Variants in MYO7A observed in about 807,000 individuals in gnomAD.
The protein encoded by MYO7A is unconventional myosin-VIIa.
A neutral mutation model predicts 263.8 loss-of-function variants in MYO7A; 210 were observed. The observed-to-expected ratio is 0.80, with a 90% CI of 0.71 to 0.89. The LOEUF is 0.89. Ranked by LOEUF, MYO7A falls within the 40% of genes least tolerant of loss-of-function variation. The pLI is 0.00. For missense variants in MYO7A, 2,820 were observed against 2,968.3 expected (o/e 0.95, Z 1.16); for synonymous variants, 1,239 against 1,197.3 (o/e 1.03, Z -0.72).
At chr11:77,171,172 CGT>C (rs1173147861) in intron 15 of MYO7A, among the ~76,000 whole-genome samples, 7 of 152,178 alleles carry the variant, frequency 4.6e-5, no homozygotes, top group African/African-American at 1.7e-4. Flanking sequence ...TGTGCGTGCG[CGT>C]GTGTGTACAC....
At chr11:77,166,005 G>T in intron 14 of MYO7A, 51 bp from the exon 15 acceptor site, 3 of 1,379,054 alleles carry the variant, frequency 2.2e-6, no homozygotes, top group East Asian at 2.3e-5. Flanking sequence ...TATGGGTTTG[G>T]GGAGGGCCTG....
At chr11:77,181,340 G>A (rs1399421299) in intron 22 of MYO7A, 40 bp from the exon 23 acceptor site, 2 of 1,520,588 alleles carry the variant, frequency 1.3e-6, no homozygotes, top group Non-Finnish European at 1.8e-6. Context: ...GTGGCACCGG[G>A]GGCTGACCCC....
intron 7 of MYO7A, 90 bp from the exon 8 acceptor site, chr11:77,157,189 T>G (rs782475291): frequency 2.3e-5 from 32 of 1,367,076 alleles, no homozygotes; most frequent in Non-Finnish European, 3.3e-5. Context: ...AGCCATTTGT[T>G]AAAATAGTAA....
rs1299898646 is a variant in MYO7A, at chr11:77,205,610, GC to G, written c.5632del (p.Leu1878Ter). The G allele has an allele frequency of 5.6e-6, 9 of 1,613,352 alleles. No individual in the cohort carries two copies. In the Admixed American group the frequency reaches 1.5e-4, roughly 27 times the overall value. ...AIDCLQRLQK[A>X]LRNGSRKYPP... ...CGACTGCCTGCAACGGCTCCAGAAA[GC>G]CCTGAGGTACAGCGGCCACCAGGGG... On this transcript the variant is annotated frameshift_variant, in exon 40 of 49. Coordinates refer to ENST00000409709, the MANE Select transcript of MYO7A (RefSeq NM_000260.4). LOFTEE classifies it high-confidence loss of function.
intron 18 of MYO7A, among the ~76,000 whole-genome samples, chr11:77,176,792 C>T (rs1555080317): frequency 1.3e-5 from 2 of 152,196 alleles, no homozygotes; most frequent in African/African-American, 4.8e-5. Context: ...CTACCCTCCC[C>T]AAGGGCAGGG....
At chr11:77,137,454 AAAGAG>A (rs1950947644) in intron 2 of MYO7A, among the ~76,000 whole-genome samples, 1 of 152,314 alleles carries the variant, frequency 6.6e-6, no homozygotes, top group Non-Finnish European at 1.5e-5. Flanking sequence ...GAGGCCTTGA[AAAGAG>A]AAGAGGAAGA....
rs567785955 is a variant in MYO7A, at chr11:77,207,871, G to A, written c.5856+469G>A. 3.3e-5 allele frequency among the ~76,000 whole-genome samples: 5 copies of A among 152,302 alleles called. No individual in the cohort carries two copies. In the South Asian group the frequency reaches 1.0e-3, roughly 32 times the overall value. ...GTCTGGCTCTAAAGCCCACGCCCCT[G>A]CCACCATTTCACATCACGCTCCCCC... On this transcript the variant is annotated intron_variant, in intron 42 of 48. Transcript: ENST00000409709.
In MYO7A at chr11:77,138,515, G is replaced by C. The variant is rs1031567799; in HGVS notation, c.19-4194G>C. Among the ~76,000 whole-genome samples the C allele has an allele frequency of 2.0e-5, 3 of 152,338 alleles. No individual in the cohort carries two copies. Among genetic ancestry groups the C allele is most frequent in the African/African-American group, 7.2e-5 (3 of 41,574 alleles). ...TAGAAGCTGGGCGGGCCACAAACAG[G>C]GTCGCTAGGCTTCAGGGTGTGCATG... is the stretch of plus-strand genomic sequence containing the variant. On this transcript the variant is annotated intron_variant, in intron 2 of 48. Coordinates refer to ENST00000409709, the MANE Select transcript of MYO7A (RefSeq NM_000260.4). The surrounding 1 kb of genome is among the most constrained non-coding windows in gnomAD (Gnocchi z 4.9).
At chr11:77,205,027 G>A (rs549918593) in intron 39 of MYO7A, among the ~76,000 whole-genome samples, 11 of 152,278 alleles carry the variant, frequency 7.2e-5, no homozygotes, top group Non-Finnish European at 1.5e-4. Flanking sequence ...GCCTGGGGTG[G>A]GACTGGTCTA....
At chr11:77,167,318 C>T (rs1398761086) in intron 15 of MYO7A, among the ~76,000 whole-genome samples, 1 of 152,114 alleles carries the variant, frequency 6.6e-6, no homozygotes, top group Non-Finnish European at 1.5e-5. Flanking sequence ...AGGCGTCAAT[C>T]CCCGGTCCTT....
At chr11:77,153,117 G>T (rs1486705125) in intron 4 of MYO7A, among the ~76,000 whole-genome samples, 1 of 152,126 alleles carries the variant, frequency 6.6e-6, no homozygotes, top group Non-Finnish European at 1.5e-5. Context: ...GCATGGCTCC[G>T]AGTGGAGGAT....
At position 77,201,547 on chromosome 11, in the gene MYO7A, G is replaced by A. The variant is rs1250180974; in HGVS notation, c.4952G>A (p.Gly1651Asp). 2 of 1,613,820 alleles carry A rather than the reference G, an allele frequency of 1.2e-6. No individual in the cohort carries two copies. The highest frequency in any genetic ancestry group is 1.7e-5 in the Admixed American group (1 of 60,010). ...GTCATGAACTCGGGCTGGGCCAACG[G>A]CATCAATGAGAGGACCAAGCAGCGT... is the stretch of plus-strand genomic sequence containing the variant. ...EQVMNSGWAN[G>D]INERTKQRGD... The change falls in exon 36 of 49, where the codon GGC becomes GAC. Residue 1651 changes from glycine (G) to aspartate (D), a missense_variant. Gly to Asp is a moderately conservative substitution (Grantham distance 94). Transcript: ENST00000409709.
chr11:77,145,056 T>C (rs1555052937), intron 3 of MYO7A, among the ~76,000 whole-genome samples: 1 of 152,180 alleles, frequency 6.6e-6, no homozygotes, highest in Non-Finnish European at 1.5e-5. Context: ...TGCTGGCCTC[T>C]GTTGGGACTC....
At chr11:77,163,483 C>T (rs1258953049) in intron 14 of MYO7A, among the ~76,000 whole-genome samples, 2 of 152,152 alleles carry the variant, frequency 1.3e-5, no homozygotes, top group African/African-American at 4.8e-5. Context: ...TCTGGTATGG[C>T]CTATTGCCCT....
chr11:77,198,694 A>C, intron 34 of MYO7A, 73 bp downstream of exon 34: 3 of 1,594,944 alleles, frequency 1.9e-6, no homozygotes, highest in East Asian at 4.5e-5. Flanking sequence ...TGCGGGTCAC[A>C]GGAAGTGAAG....
chr11:77,181,730 G>A, intron 23 of MYO7A, 141 bp downstream of exon 23: 2 of 868,996 alleles, frequency 2.3e-6, no homozygotes, highest in East Asian at 5.3e-5. Flanking sequence ...CCGGGCTGCA[G>A]GTCCCAGGTC....
chr11:77,208,009 C>A (rs12271812), intron 42 of MYO7A, among the ~76,000 whole-genome samples: 9,795 of 152,220 alleles, frequency 0.064, 894 homozygotes, highest in African/African-American at 0.21. Context: ...CTCTGTGTGC[C>A]TCTGTGTCTG....
intron 37 of MYO7A, among the ~76,000 whole-genome samples, chr11:77,202,741 CG>C (rs1165232831): frequency 8.4e-6 from 1 of 118,868 alleles, no homozygotes; most frequent in Non-Finnish European, 1.9e-5. Context: ...GCTTCTGGGG[CG>C]GGGGGTGGGG....
chr11:77,213,794 C>A (rs1958007518), intron 47 of MYO7A, 66 bp from the exon 48 acceptor site: 2 of 1,609,968 alleles, frequency 1.2e-6, no homozygotes, highest in African/African-American at 1.3e-5. Flanking sequence ...TCTGTGAGGG[C>A]ATGTGTGGGC....
Sources: gnomAD v4.1 joint callset for allele counts (sites outside exome capture counted in the v4.1 genomes callset) on GRCh38, gnomAD v4.1.1 for gene constraint, Gnocchi (gnomAD v3.1) non-coding constraint, MANE v1.5 for transcripts, NCBI Gene and HGNC (gene_info 2026-07-23, HGNC 2026-07-21) for gene names.